RTN1: variants seen among roughly 807,000 people sequenced by gnomAD.
RTN1 encodes reticulon-1.
In RTN1, 25 loss-of-function variants were observed where a neutral mutation model predicts 65.5. The ratio of observed to expected loss-of-function variants is 0.38; its 90% CI spans 0.28 to 0.53. The LOEUF (loss-of-function observed/expected upper bound fraction) is 0.53. Among genes scored for constraint, RTN1 ranks in the 20% least tolerant of loss-of-function variants. RTN1 has a pLI of 0.79. For missense variants in RTN1, 983 were observed against 1,025.4 expected (o/e 0.96, Z 0.57); for synonymous variants, 471 against 447.6 (o/e 1.05, Z -0.66).
intron 1 of RTN1, among the ~76,000 whole-genome samples, chr14:59,844,279 T>C (rs1445313269): frequency 6.6e-6 from 1 of 152,244 alleles, no homozygotes; most frequent in Non-Finnish European, 1.5e-5. Flanking sequence ...ATTGCCCTTA[T>C]GAACGAATGA....
intron 4 of RTN1, 98 bp from the exon 5 acceptor site, chr14:59,605,604 G>C (rs1022253896): frequency 7.0e-5 from 91 of 1,291,610 alleles, no homozygotes; most frequent in Non-Finnish European, 9.3e-5. Context: ...CTCTCACTCT[G>C]AGGGTGAGAG....
chr14:59,742,516 G>A (rs1420374007), intron 2 of RTN1, among the ~76,000 whole-genome samples: 3 of 152,140 alleles, frequency 2.0e-5, no homozygotes, highest in Non-Finnish European at 4.4e-5. Flanking sequence ...AGGTAAGTAT[G>A]TTGGAGAACG....
At chr14:59,791,008 T>A (rs1002674050) in intron 1 of RTN1, among the ~76,000 whole-genome samples, 1 of 152,216 alleles carries the variant, frequency 6.6e-6, no homozygotes, top group African/African-American at 2.4e-5. Context: ...GCTCTGGCAT[T>A]TCCCTTTTTT....
intron 3 of RTN1, among the ~76,000 whole-genome samples, chr14:59,718,399 T>C (rs1884581860): frequency 6.6e-6 from 1 of 152,224 alleles, no homozygotes; most frequent in African/African-American, 2.4e-5. Flanking sequence ...CCTTGCCTGT[T>C]AGTAAAATTT....
At chr14:59,724,815 C>T (rs1884724300) in intron 3 of RTN1, among the ~76,000 whole-genome samples, 1 of 152,098 alleles carries the variant, frequency 6.6e-6, no homozygotes, top group African/African-American at 2.4e-5. Flanking sequence ...AAAAGAACCT[C>T]AGAGCTCAAA....
chr14:59,783,554 CAA>C (rs1313335743), intron 1 of RTN1, among the ~76,000 whole-genome samples: 1 of 152,142 alleles, frequency 6.6e-6, no homozygotes, highest in Non-Finnish European at 1.5e-5. Flanking sequence ...TGATTTTCAG[CAA>C]AGAGATTAAA....
intron 2 of RTN1, among the ~76,000 whole-genome samples, chr14:59,735,615 C>T (rs1884986856): frequency 6.6e-6 from 1 of 152,068 alleles, no homozygotes. Flanking sequence ...AGATTTTAAA[C>T]CAACAAATAT....
intron 1 of RTN1, among the ~76,000 whole-genome samples, chr14:59,748,108 C>T (rs1885265682): frequency 6.6e-6 from 1 of 151,648 alleles, no homozygotes; most frequent in Non-Finnish European, 1.5e-5. Context: ...CACCTAAGAT[C>T]TTACAGGCAG....
At chr14:59,855,134 C>T (rs946027181) in intron 1 of RTN1, among the ~76,000 whole-genome samples, 5 of 152,182 alleles carry the variant, frequency 3.3e-5, no homozygotes, top group East Asian at 1.9e-4. Context: ...TCACTGTACC[C>T]TATTAATATG....
At chr14:59,641,210 C>A (rs1566669882) in intron 3 of RTN1, among the ~76,000 whole-genome samples, 1 of 152,144 alleles carries the variant, frequency 6.6e-6, no homozygotes, top group Non-Finnish European at 1.5e-5. Flanking sequence ...TTGGGACATC[C>A]ACCCACCTTG....
chr14:59,723,125 T>G (rs1884681052), intron 3 of RTN1, among the ~76,000 whole-genome samples: 1 of 152,176 alleles, frequency 6.6e-6, no homozygotes, highest in Admixed American at 6.5e-5. Flanking sequence ...TGTGCCATTT[T>G]GTACAGTTTG....
Position 59,727,030 on chromosome 14 carries a change from G to C in RTN1, c.1654C>G (p.Arg552Gly), listed in dbSNP as rs780650595. 6.2e-7 allele frequency: 1 copy of C among 1,613,490 alleles called. No individual in the cohort carries two copies. Among genetic ancestry groups the C allele is most frequent in the Non-Finnish European group, 8.5e-7 (1 of 1,179,750 alleles). Reference sequence around the variant, plus strand: ...GAACTCGAGTCTTCTTCAGGCTTCCGTGGCAACATGGGCGTCTCAGGCTCC... The same window carrying C: ...GAACTCGAGTCTTCTTCAGGCTTCCCTGGCAACATGGGCGTCTCAGGCTCC... ...ALEPETPMLP[R>G]KPEEDSSSNQ... The change falls in exon 3 of 9, where the codon CGG becomes GGG. Residue 552 changes from arginine to glycine, a missense_variant. Transcript: ENST00000267484. This position sits in a 1 kb window ranked among gnomAD's most constrained non-coding sequence, Gnocchi z 4.2.
At chr14:59,819,504 C>A (rs2139625282) in intron 1 of RTN1, among the ~76,000 whole-genome samples, 1 of 148,422 alleles carries the variant, frequency 6.7e-6, no homozygotes, top group South Asian at 2.2e-4. Flanking sequence ...TCCAAGCCCC[C>A]ACCCCCTCAA....
intron 2 of RTN1, among the ~76,000 whole-genome samples, chr14:59,744,184 A>C (rs1257385253): frequency 6.6e-6 from 1 of 152,182 alleles, no homozygotes; most frequent in Non-Finnish European, 1.5e-5. Context: ...CAGGGTTTAG[A>C]GCAATCGCTC....
intron 3 of RTN1, among the ~76,000 whole-genome samples, chr14:59,681,013 G>T (rs1480680570): frequency 2.0e-5 from 3 of 151,984 alleles, no homozygotes; most frequent in African/African-American, 7.2e-5. Context: ...TTTGACAGTG[G>T]TGGTTGAATT....
rs950983567 is a variant in RTN1 at position 59,849,017 on chromosome 14, C to G, written c.241+21373G>C. On this transcript the variant is annotated intron_variant, in intron 1 of 8. Coordinates refer to ENST00000267484, the MANE Select transcript of RTN1 (RefSeq NM_021136.3). The surrounding 1 kb of genome is among the most constrained non-coding windows in gnomAD (Gnocchi z 4.5). ...CATTTGTTACCAGCTATAACTTGAA[C>G]CCCAATATCTCATCCCCCTCATCAA... 2.0e-5 allele frequency among the ~76,000 whole-genome samples: 3 copies of G among 152,162 alleles called. No individual in the cohort carries two copies. The highest frequency in any genetic ancestry group is 7.2e-5 in the African/African-American group (3 of 41,494).
intron 2 of RTN1, among the ~76,000 whole-genome samples, chr14:59,735,557 T>C (rs1246247872): frequency 6.6e-6 from 1 of 151,922 alleles, no homozygotes; most frequent in Non-Finnish European, 1.5e-5. Context: ...ACCAAGCAAA[T>C]GGAAAACAGA....
intron 1 of RTN1, among the ~76,000 whole-genome samples, chr14:59,758,775 G>A (rs1885691062): frequency 1.3e-5 from 2 of 152,126 alleles, no homozygotes; most frequent in Admixed American, 6.6e-5. Flanking sequence ...TTACTGATTG[G>A]ATTATTACCT....
chr14:59,688,147 G>T (rs972681604), intron 3 of RTN1, among the ~76,000 whole-genome samples: 14 of 152,074 alleles, frequency 9.2e-5, no homozygotes, highest in African/African-American at 3.1e-4. Flanking sequence ...AGATCTCCAG[G>T]CATTCAAAGC....
Sources: gnomAD v4.1 joint callset for allele counts (sites outside exome capture counted in the v4.1 genomes callset) on GRCh38, gnomAD v4.1.1 for gene constraint, Gnocchi (gnomAD v3.1) non-coding constraint, MANE v1.5 for transcripts, NCBI Gene and HGNC (gene_info 2026-07-23, HGNC 2026-07-21) for gene names.